PRKCA: variants seen among roughly 807,000 people sequenced by gnomAD.
The protein encoded by PRKCA is protein kinase C alpha.
Under a neutral mutation model 87.0 loss-of-function variants are expected in PRKCA, and 27 were observed. That is an observed-to-expected ratio of 0.31 (90% CI 0.23 to 0.43). The LOEUF (loss-of-function observed/expected upper bound fraction) is 0.43, where lower values mean the gene tolerates loss of function less well. PRKCA is among the 20% of genes least tolerant of loss of function. PRKCA has a pLI of 1.00. For missense variants in PRKCA, 518 were observed against 852.3 expected (o/e 0.61, Z 4.88); for synonymous variants, 329 against 311.1 (o/e 1.06, Z -0.61).
chr17:66,767,942 G>A (rs189836755), intron 13 of PRKCA, among the ~76,000 whole-genome samples: 5 of 152,112 alleles, frequency 3.3e-5, no homozygotes, highest in Non-Finnish European at 5.9e-5. Flanking sequence ...CCTATTAAGC[G>A]TCTTCCCACT....
At chr17:66,464,678 A>G (rs1013371198) in intron 2 of PRKCA, among the ~76,000 whole-genome samples, 1 of 152,180 alleles carries the variant, frequency 6.6e-6, no homozygotes, top group Non-Finnish European at 1.5e-5. Context: ...CTTTGGTGAG[A>G]TATCTGGTCT....
rs188879361 is a variant in PRKCA at position 66,546,773 on chromosome 17, C to T, written c.288+50490C>T. Among the ~76,000 whole-genome samples, 1,011 of 152,236 alleles carry T rather than the reference C, an allele frequency of 6.6e-3. 36 individuals are homozygous for T. Among genetic ancestry groups the T allele is most frequent in the Admixed American group, 0.056 (862 of 15,290 alleles). ...AGATATTGTTTTGGGGAACACAATACGACCCGCAGCATTAGTTTTACCTCT... is the reference window on the plus strand; with the variant it reads ...AGATATTGTTTTGGGGAACACAATATGACCCGCAGCATTAGTTTTACCTCT... On this transcript the variant is annotated intron_variant, in intron 3 of 16. Coordinates refer to ENST00000413366, the MANE Select transcript of PRKCA (RefSeq NM_002737.3).
At chr17:66,687,556 A>C (rs1238305492) in intron 6 of PRKCA, among the ~76,000 whole-genome samples, 2 of 152,202 alleles carry the variant, frequency 1.3e-5, no homozygotes, top group African/African-American at 2.4e-5. Context: ...TAAGCTAAAA[A>C]TGTGTCAGGT....
intron 2 of PRKCA, among the ~76,000 whole-genome samples, chr17:66,318,966 A>ATT (rs75054696): frequency 1.6e-5 from 2 of 126,462 alleles, no homozygotes; most frequent in East Asian, 2.4e-4. Context: ...ACAAAAAAAT[A>ATT]TTTTTTGTAA....
At chr17:66,380,984 C>T (rs561128095) in intron 2 of PRKCA, among the ~76,000 whole-genome samples, 12 of 150,106 alleles carry the variant, frequency 8.0e-5, no homozygotes, top group East Asian at 7.9e-4. Context: ...CTGTCACTCA[C>T]GCTAGAGTAC....
At chr17:66,708,162 T>C (rs879875880) in intron 8 of PRKCA, among the ~76,000 whole-genome samples, 5 of 152,236 alleles carry the variant, frequency 3.3e-5, no homozygotes, top group Admixed American at 6.5e-5. Flanking sequence ...AGTGGGGCCA[T>C]AGATGTCCTT....
At chr17:66,457,088 C>T (rs1433083584) in intron 2 of PRKCA, among the ~76,000 whole-genome samples, 2 of 152,046 alleles carry the variant, frequency 1.3e-5, no homozygotes, top group Admixed American at 1.3e-4. Context: ...AACTTTTTTG[C>T]CTACACTGAT....
At position 66,588,856 on chromosome 17, in the gene PRKCA, A is replaced by G. The variant is rs578203205; in HGVS notation, c.289-52499A>G. Reference sequence around the variant, plus strand: ...GGGTATCACCATGTTGCCCAGGCTGATCTCGAACTACTGATCTCAGGTAAT... The same window carrying G: ...GGGTATCACCATGTTGCCCAGGCTGGTCTCGAACTACTGATCTCAGGTAAT... On this transcript the variant is annotated intron_variant, in intron 3 of 16. Coordinates refer to ENST00000413366, the MANE Select transcript of PRKCA (RefSeq NM_002737.3). 5.7e-4 allele frequency among the ~76,000 whole-genome samples: 87 copies of G among 151,612 alleles called. 1 individual carries two copies. The highest frequency in any genetic ancestry group is 8.8e-5 in the Non-Finnish European group (6 of 67,896).
intron 3 of PRKCA, among the ~76,000 whole-genome samples, chr17:66,588,401 C>CAA (rs1969686069): frequency 6.6e-6 from 1 of 151,892 alleles, no homozygotes; most frequent in Non-Finnish European, 1.5e-5. Context: ...ATATAAGTTG[C>CAA]AAATTATCTT....
intron 5 of PRKCA, among the ~76,000 whole-genome samples, chr17:66,686,502 G>C (rs886276220): frequency 2.6e-5 from 4 of 152,124 alleles, no homozygotes; most frequent in Non-Finnish European, 5.9e-5. Flanking sequence ...AATCACCCAA[G>C]GAGCTTTTAA....
At chr17:66,362,066 G>A (rs1006116387) in intron 2 of PRKCA, among the ~76,000 whole-genome samples, 11 of 151,718 alleles carry the variant, frequency 7.3e-5, no homozygotes, top group Non-Finnish European at 1.6e-4. Flanking sequence ...ACGGAGTTTC[G>A]CTCTTGTTGC....
chr17:66,331,068 G>A (rs534147460), intron 2 of PRKCA, among the ~76,000 whole-genome samples: 1 of 152,300 alleles, frequency 6.6e-6, no homozygotes, highest in South Asian at 2.1e-4. Context: ...TTTATTTAGT[G>A]CTTTTGGGAT....
chr17:66,587,792 T>C (rs1489968396), intron 3 of PRKCA, among the ~76,000 whole-genome samples: 1 of 131,956 alleles, frequency 7.6e-6, no homozygotes, highest in Admixed American at 8.2e-5. Flanking sequence ...TATGTATACA[T>C]ATATACGTAT....
chr17:66,371,816 G>A (rs1037247716), intron 2 of PRKCA, among the ~76,000 whole-genome samples: 2 of 152,128 alleles, frequency 1.3e-5, no homozygotes, highest in Non-Finnish European at 2.9e-5. Context: ...AAATCCAGAC[G>A]GTGGATTTTC....
chr17:66,605,411 C>T (rs1970176620), intron 3 of PRKCA, among the ~76,000 whole-genome samples: 1 of 152,134 alleles, frequency 6.6e-6, no homozygotes. Flanking sequence ...ATCACAATGA[C>T]ATTCTTCACA....
At chr17:66,318,381 T>C (rs1046574785) in intron 2 of PRKCA, among the ~76,000 whole-genome samples, 1 of 152,226 alleles carries the variant, frequency 6.6e-6, no homozygotes, top group Admixed American at 6.5e-5. Flanking sequence ...TTAGGGATAA[T>C]GGCTGATAGG....
chr17:66,710,165 G>A (rs941191475), intron 8 of PRKCA, among the ~76,000 whole-genome samples: 4 of 152,018 alleles, frequency 2.6e-5, no homozygotes, highest in African/African-American at 9.7e-5. Context: ...AAACAAGGAA[G>A]AGTTACTTCC....
chr17:66,643,403 A>G (rs948805746), intron 4 of PRKCA, among the ~76,000 whole-genome samples: 1 of 152,250 alleles, frequency 6.6e-6, no homozygotes, highest in African/African-American at 2.4e-5. Context: ...TGAGACATCA[A>G]CTGGTTTCAA....
chr17:66,757,612 T>G (rs1974581224), intron 13 of PRKCA, among the ~76,000 whole-genome samples: 1 of 148,430 alleles, frequency 6.7e-6, no homozygotes, highest in African/African-American at 2.5e-5. Context: ...TTGTGTACCC[T>G]GCAAAATTGT....
Sources: allele counts gnomAD v4.1 joint callset (sites outside exome capture counted in the v4.1 genomes callset), GRCh38; gene constraint gnomAD v4.1.1; transcripts MANE v1.5; gene names NCBI Gene and HGNC (gene_info 2026-07-23, HGNC 2026-07-21).